The following OCLN variants were observed in gnomAD, a reference collection of about 807,000 sequenced individuals.
OCLN encodes the protein phosphatase 1, regulatory subunit 115.
Under a neutral mutation model 47.9 loss-of-function variants are expected in OCLN, and 21 were observed. The ratio of observed to expected loss-of-function variants is 0.44; its 90% CI spans 0.31 to 0.63. The LOEUF (loss-of-function observed/expected upper bound fraction) is 0.63, where lower values mean the gene tolerates loss of function less well. Among genes scored for constraint, OCLN ranks in the 30% least tolerant of loss-of-function variants. The pLI, the probability that OCLN is intolerant of heterozygous loss-of-function variation, is 0.08. For synonymous variants in OCLN, 117 were observed against 198.4 expected, an observed-to-expected ratio of 0.59 and a Z score of 3.45; for missense variants, 360 against 571.0, an observed-to-expected ratio of 0.63 and a Z score of 3.77.
chr5:69,507,290 A>G (rs1200398192), intron 2 of OCLN, among the ~76,000 whole-genome samples: 1 of 151,976 alleles, frequency 6.6e-6, no homozygotes, highest in Non-Finnish European at 1.5e-5. Context: ...AACCACCACA[A>G]TGCACAACCA....
intron 4 of OCLN, among the ~76,000 whole-genome samples, chr5:69,516,698 G>T (rs1768981709): frequency 6.6e-6 from 1 of 152,090 alleles, no homozygotes; most frequent in Non-Finnish European, 1.5e-5. Context: ...GATGTGATTT[G>T]CTGAAAGCCT....
In OCLN at chr5:69,515,411, A is replaced by AC. The variant is rs1426606938; in HGVS notation, c.891+1308dup. Among the ~76,000 whole-genome samples, 267 of 132,390 alleles carry AC rather than the reference A, an allele frequency of 2.0e-3. 5 individuals are homozygous for AC. The highest frequency in any genetic ancestry group is 7.1e-3 in the African/African-American group (245 of 34,452). 86.9% of individuals were successfully genotyped at this position (132,390 alleles called of 152,430 possible). The stretch of plus-strand genomic sequence containing the variant: ...GGGCGGCTGGCCGGGCAGGGGGCTG[A>AC]CCCCCCTACCTCCCTCCCAGACGGG... On this transcript the variant is annotated intron_variant, in intron 4 of 8. Transcript: ENST00000396442.
chr5:69,513,423 G>A (rs1768839997), intron 3 of OCLN, among the ~76,000 whole-genome samples: 1 of 152,136 alleles, frequency 6.6e-6, no homozygotes, highest in Admixed American at 6.5e-5. Flanking sequence ...ATCATTTTTG[G>A]TAAGATAGAG....
In OCLN at chr5:69,493,700, G is replaced by C. The variant is rs938668397; in HGVS notation, c.-69+800G>C. Among the ~76,000 whole-genome samples the C allele has an allele frequency of 1.3e-5, 2 of 152,182 alleles. No individual in the cohort carries two copies. The highest frequency in any genetic ancestry group is 4.8e-5 in the African/African-American group (2 of 41,452). On this transcript the variant is annotated intron_variant, in intron 1 of 8. Coordinates refer to ENST00000396442, the MANE Select transcript of OCLN (RefSeq NM_001205254.2). The surrounding 1 kb of genome is among the most constrained non-coding windows in gnomAD (Gnocchi z 5.3). Reference sequence around the variant, plus strand: ...GCGCGCGCTGCCTGGGAGCGCCTCGGTGCGCACGGAAGCCGGGACCCGCGC... The same window carrying C: ...GCGCGCGCTGCCTGGGAGCGCCTCGCTGCGCACGGAAGCCGGGACCCGCGC...
chr5:69,493,629 A>G lies in OCLN; in HGVS notation c.-69+729A>G, dbSNP rs1382269286. Reference sequence around the variant, plus strand: ...ATCCGTGACCAAAAGGGCTGCCCCCAGGGGGGCGGAACTGCCTCCGGGCGG... The same window carrying G: ...ATCCGTGACCAAAAGGGCTGCCCCCGGGGGGGCGGAACTGCCTCCGGGCGG... On this transcript the variant is annotated intron_variant, in intron 1 of 8. Coordinates refer to ENST00000396442, the MANE Select transcript of OCLN (RefSeq NM_001205254.2). The surrounding 1 kb of genome is among the most constrained non-coding windows in gnomAD (Gnocchi z 5.3). Among the ~76,000 whole-genome samples the G allele has an allele frequency of 1.3e-5, 2 of 151,928 alleles. No individual in the cohort carries two copies. Among genetic ancestry groups the G allele is most frequent in the Non-Finnish European group, 2.9e-5 (2 of 67,952 alleles).
At chr5:69,523,827 T>C (rs540272765) in intron 4 of OCLN, among the ~76,000 whole-genome samples, 2 of 151,632 alleles carry the variant, frequency 1.3e-5, no homozygotes, top group Non-Finnish European at 2.9e-5. Flanking sequence ...TAAGCCACCG[T>C]GCCCGGCCAA....
intron 1 of OCLN, among the ~76,000 whole-genome samples, chr5:69,501,655 A>C (rs1768462177): frequency 6.6e-6 from 1 of 151,846 alleles, no homozygotes; most frequent in South Asian, 2.1e-4. Flanking sequence ...GTATAGAGAA[A>C]TTGACTTGAG....
Position 69,493,806 on chromosome 5 carries a change from C to A in OCLN, c.-69+906C>A, listed in dbSNP as rs1185847395. 6.6e-6 allele frequency among the ~76,000 whole-genome samples: 1 copy of A among 152,174 alleles called. No homozygotes were observed. The highest frequency in any genetic ancestry group is 1.5e-5 in the Non-Finnish European group (1 of 68,018). ...GCCATGTTGCCTGCGTCGGAGGAAG[C>A]GTGCGGGGAGCAGGGGTCGAGGGCC... On this transcript the variant is annotated intron_variant, in intron 1 of 8. Transcript: ENST00000396442. This position sits in a 1 kb window ranked among gnomAD's most constrained non-coding sequence, Gnocchi z 5.3.
At chr5:69,505,097 A>G (rs1768562264) in intron 2 of OCLN, among the ~76,000 whole-genome samples, 1 of 151,874 alleles carries the variant, frequency 6.6e-6, no homozygotes, top group South Asian at 2.1e-4. Flanking sequence ...CTGAAAATAC[A>G]AAATTAGCCG....
chr5:69,509,458 G>GT lies in OCLN; in HGVS notation c.370dup (p.Tyr124LeufsTer41). On this transcript the variant is annotated frameshift_variant, in exon 3 of 9. Coordinates refer to ENST00000396442, the MANE Select transcript of OCLN (RefSeq NM_001205254.2). LOFTEE classifies it high-confidence loss of function. ...GGAAGTGGCTATGGCTATGGCTATGGTTATGGCTATGGCTACGGAGGCTAT... is the reference window on the plus strand; with the variant it reads ...GGAAGTGGCTATGGCTATGGCTATGGTTTATGGCTATGGCTACGGAGGCTAT... 6.2e-7 allele frequency: 1 copy of GT among 1,614,190 alleles called. No individual in the cohort carries two copies. Among genetic ancestry groups the GT allele is most frequent in the East Asian group, 2.2e-5 (1 of 44,890 alleles).
At chr5:69,533,418 A>G (rs1021536033) in intron 4 of OCLN, among the ~76,000 whole-genome samples, 1 of 152,168 alleles carries the variant, frequency 6.6e-6, no homozygotes, top group African/African-American at 2.4e-5. Flanking sequence ...GTTGTTCATC[A>G]GGAATTCTCA....
At chr5:69,520,572 G>A (rs953109284) in intron 4 of OCLN, among the ~76,000 whole-genome samples, 7 of 151,448 alleles carry the variant, frequency 4.6e-5, no homozygotes, top group Admixed American at 1.3e-4. Flanking sequence ...GATTACAGGC[G>A]TGAGCCACCA....
At chr5:69,552,943 TA>T (rs1001028605) in intron 8 of OCLN, among the ~76,000 whole-genome samples, 1 of 2,888 alleles carries the variant, frequency 3.5e-4, no homozygotes, top group African/African-American at 7.7e-4. Context: ...CTTAAAACAT[TA>T]AAAAAAAATT....
chr5:69,535,813 T>A (rs1242670753), intron 5 of OCLN, among the ~76,000 whole-genome samples: 4 of 151,546 alleles, frequency 2.6e-5, no homozygotes, highest in Non-Finnish European at 4.4e-5. Context: ...AAAGGTACAG[T>A]AAATATAAAA....
chr5:69,507,861 C>T (rs1768651870), intron 2 of OCLN, among the ~76,000 whole-genome samples: 1 of 152,228 alleles, frequency 6.6e-6, no homozygotes, highest in Admixed American at 6.5e-5. Flanking sequence ...CCGCCTCGGC[C>T]TCCCAGAGTG....
Position 69,493,698 on chromosome 5 carries a change from C to T in OCLN, c.-69+798C>T, listed in dbSNP as rs1373938547. Among the ~76,000 whole-genome samples the T allele has an allele frequency of 1.3e-5, 2 of 152,064 alleles. No homozygotes were observed. Among genetic ancestry groups the T allele is most frequent in the African/African-American group, 4.8e-5 (2 of 41,410 alleles). On this transcript the variant is annotated intron_variant, in intron 1 of 8. Coordinates refer to ENST00000396442, the MANE Select transcript of OCLN (RefSeq NM_001205254.2). This position sits in a 1 kb window ranked among gnomAD's most constrained non-coding sequence, Gnocchi z 5.3. Reference sequence around the variant, plus strand: ...GGGCGCGCGCTGCCTGGGAGCGCCTCGGTGCGCACGGAAGCCGGGACCCGC... The same window carrying T: ...GGGCGCGCGCTGCCTGGGAGCGCCTTGGTGCGCACGGAAGCCGGGACCCGC...
upstream of OCLN, chr5:69,492,599 G>C (rs1028409283): frequency 3.3e-5 from 5 of 152,454 alleles, no homozygotes; most frequent in African/African-American, 1.2e-4. Context: ...TCCTCTGGCG[G>C]AGGCGGCAGG....
At chr5:69,514,173 G>A in intron 4 of OCLN, 64 bp downstream of exon 4, 2 of 1,399,306 alleles carry the variant, frequency 1.4e-6, no homozygotes, top group Non-Finnish European at 2.0e-6. Flanking sequence ...TGAATTTTTA[G>A]TGCTTTGTTA....
At chr5:69,516,186 C>T (rs1580564211) in intron 4 of OCLN, among the ~76,000 whole-genome samples, 1 of 152,192 alleles carries the variant, frequency 6.6e-6, no homozygotes, top group East Asian at 1.9e-4. Context: ...GATCACGCCA[C>T]TGCACTCCAG....
Sources: allele counts gnomAD v4.1 joint callset (sites outside exome capture counted in the v4.1 genomes callset), GRCh38; gene constraint gnomAD v4.1.1; non-coding constraint Gnocchi (gnomAD v3.1); transcripts MANE v1.5; gene names NCBI Gene and HGNC (gene_info 2026-07-23, HGNC 2026-07-21).